MGAT5: variants seen among roughly 807,000 people sequenced by gnomAD.
The protein encoded by MGAT5 is alpha-1,6-mannosylglycoprotein 6-beta-N-acetylglucosaminyltransferase.
A neutral mutation model predicts 94.3 loss-of-function variants in MGAT5; 30 were observed. The observed-to-expected ratio is 0.32, with a 90% CI of 0.24 to 0.43. The LOEUF (loss-of-function observed/expected upper bound fraction) is 0.43. MGAT5 is among the 20% of genes least tolerant of loss of function. MGAT5 has a pLI of 1.00. For synonymous variants in MGAT5, 310 were observed against 322.9 expected (o/e 0.96, Z 0.43); for missense variants, 691 against 905.5 (o/e 0.76, Z 3.04).
At chr2:134,384,178 G>A (rs1342739868) in intron 10 of MGAT5, among the ~76,000 whole-genome samples, 8 of 148,124 alleles carry the variant, frequency 5.4e-5, no homozygotes, top group South Asian at 2.1e-4. Flanking sequence ...GGACCTCATG[G>A]TACACAAAGA....
chr2:134,294,476 A>G (rs1025617748), intron 2 of MGAT5, among the ~76,000 whole-genome samples: 1 of 152,182 alleles, frequency 6.6e-6, no homozygotes, highest in Non-Finnish European at 1.5e-5. Flanking sequence ...TTCCAGGTAT[A>G]TACCACTGCA....
intron 2 of MGAT5, among the ~76,000 whole-genome samples, chr2:134,280,042 G>A (rs1022989936): frequency 2.0e-5 from 3 of 152,170 alleles, no homozygotes; most frequent in Non-Finnish European, 4.4e-5. Context: ...GATTTCTGGG[G>A]TTTTGAGAGA....
intron 6 of MGAT5, among the ~76,000 whole-genome samples, chr2:134,341,303 C>T (rs1177521101): frequency 6.6e-6 from 1 of 152,150 alleles, no homozygotes; most frequent in Non-Finnish European, 1.5e-5. Flanking sequence ...GTCTTACCTT[C>T]CTTTAATCCC....
chr2:134,267,328 T>C (rs1382737676), intron 1 of MGAT5, among the ~76,000 whole-genome samples: 1 of 152,214 alleles, frequency 6.6e-6, no homozygotes, highest in Non-Finnish European at 1.5e-5. Context: ...ATTTATTCAT[T>C]TGTTAAGAGG....
At chr2:134,359,589 A>G in intron 9 of MGAT5, among the ~76,000 whole-genome samples, 1 of 152,288 alleles carries the variant, frequency 6.6e-6, no homozygotes, top group East Asian at 1.9e-4. Flanking sequence ...AAAGTACAGG[A>G]TTTCCTGCAT....
At chr2:134,374,448 G>A (rs1442988472) in intron 10 of MGAT5, among the ~76,000 whole-genome samples, 4 of 152,194 alleles carry the variant, frequency 2.6e-5, no homozygotes, top group Non-Finnish European at 4.4e-5. Flanking sequence ...CAGATTGGGA[G>A]CAGACTTTAC....
At chr2:134,318,495 C>T (rs1376584813) in intron 3 of MGAT5, among the ~76,000 whole-genome samples, 155 bp from the exon 4 acceptor site, 3 of 152,188 alleles carry the variant, frequency 2.0e-5, no homozygotes, top group Non-Finnish European at 4.4e-5. Flanking sequence ...GCACACCTGG[C>T]TATCTTGACC....
intron 1 of MGAT5, among the ~76,000 whole-genome samples, chr2:134,155,817 T>C (rs1214291571): frequency 6.6e-6 from 1 of 152,102 alleles, no homozygotes; most frequent in Non-Finnish European, 1.5e-5. Context: ...GTTCTTTTTC[T>C]GAGAAAGCTT....
chr2:134,194,348 T>A (rs1209798845), intron 1 of MGAT5, among the ~76,000 whole-genome samples: 1 of 151,924 alleles, frequency 6.6e-6, no homozygotes, highest in Non-Finnish European at 1.5e-5. Context: ...TATATTAGTT[T>A]GTGGGGGTGG....
intron 1 of MGAT5, among the ~76,000 whole-genome samples, chr2:134,232,662 A>T (rs1257212): frequency 0.88 from 133,865 of 152,284 alleles, 59,059 homozygotes; most frequent in East Asian, 0.95. Context: ...GGTTACTGTT[A>T]ATAGACCACA....
intron 1 of MGAT5, among the ~76,000 whole-genome samples, chr2:134,259,321 C>T (rs191695995): frequency 2.0e-5 from 3 of 152,300 alleles, no homozygotes; most frequent in African/African-American, 2.4e-5. Context: ...GCCACTCACC[C>T]GAGTCAATGC....
At chr2:134,158,655 A>T (rs1399958675) in intron 1 of MGAT5, among the ~76,000 whole-genome samples, 1 of 152,050 alleles carries the variant, frequency 6.6e-6, no homozygotes, top group Non-Finnish European at 1.5e-5. Context: ...TGCCCCACCA[A>T]TTCGGAAGGG....
At chr2:134,125,047 A>G (rs1685777683) in intron 1 of MGAT5, among the ~76,000 whole-genome samples, 1 of 151,968 alleles carries the variant, frequency 6.6e-6, no homozygotes, top group Non-Finnish European at 1.5e-5. Flanking sequence ...GGGTCCCCTC[A>G]TGGGAGTGTG....
rs188700392 is a variant in MGAT5 at position 134,380,870 on chromosome 2, C to T, written c.1380+18462C>T. Among the ~76,000 whole-genome samples, 8 of 152,222 alleles carry T rather than the reference C, an allele frequency of 5.3e-5. No homozygotes were observed. In the East Asian group the frequency reaches 1.4e-3, roughly 26 times the overall value. On this transcript the variant is annotated intron_variant, in intron 10 of 15. Coordinates refer to ENST00000281923, the MANE Select transcript of MGAT5 (RefSeq NM_002410.5). Reference sequence around the variant, plus strand: ...TAAGGTTTGGTAATGAAAGAGTAAACACGTTGTATGCTTGCCTTTATGGAT... The same window carrying T: ...TAAGGTTTGGTAATGAAAGAGTAAATACGTTGTATGCTTGCCTTTATGGAT...
chr2:134,166,375 G>T (rs1687965612), intron 1 of MGAT5, among the ~76,000 whole-genome samples: 1 of 152,204 alleles, frequency 6.6e-6, no homozygotes, highest in South Asian at 2.1e-4. Flanking sequence ...TCTCCCCGAG[G>T]AGTATTAAAA....
chr2:134,389,134 A>G (rs1408450988), intron 10 of MGAT5, among the ~76,000 whole-genome samples: 1 of 152,168 alleles, frequency 6.6e-6, no homozygotes, highest in African/African-American at 2.4e-5. Flanking sequence ...GGAGGCACAT[A>G]ATGTCCGGTT....
intron 1 of MGAT5, among the ~76,000 whole-genome samples, chr2:134,194,770 G>T (rs879305779): frequency 1.4e-4 from 22 of 152,152 alleles, no homozygotes; most frequent in African/African-American, 4.6e-4. Context: ...AGACAGGAGT[G>T]TTCTCCAAAT....
At chr2:134,447,813 G>A (rs984736659) in intron 15 of MGAT5, among the ~76,000 whole-genome samples, 1 of 152,246 alleles carries the variant, frequency 6.6e-6, no homozygotes, top group East Asian at 1.9e-4. Flanking sequence ...AAGCCACCAG[G>A]CTCCACCGCC....
chr2:134,127,364 G>T (rs974447731), intron 1 of MGAT5, among the ~76,000 whole-genome samples: 3 of 151,998 alleles, frequency 2.0e-5, no homozygotes, highest in Admixed American at 6.6e-5. Flanking sequence ...AGATGACATT[G>T]TTATTGGGCA....
Sources: allele counts gnomAD v4.1 joint callset (sites outside exome capture counted in the v4.1 genomes callset), GRCh38; gene constraint gnomAD v4.1.1; transcripts MANE v1.5; gene names NCBI Gene and HGNC (gene_info 2026-07-23, HGNC 2026-07-21).